Variants in SLC9A7 observed in about 807,000 individuals in gnomAD.
SLC9A7 encodes the protein solute carrier family 9 member A7, also known as sodium/hydrogen exchanger 7.
A neutral mutation model predicts 52.6 loss-of-function variants in SLC9A7; 19 were observed. The observed-to-expected ratio is 0.36, with a 90% CI of 0.25 to 0.53. The LOEUF (loss-of-function observed/expected upper bound fraction) is 0.53, where lower values mean the gene tolerates loss of function less well. SLC9A7 is among the 20% of genes least tolerant of loss of function. The pLI is 0.91. For synonymous variants in SLC9A7, 226 were observed against 252.1 expected (o/e 0.90, Z 0.98); for missense variants, 455 against 597.9 (o/e 0.76, Z 2.49).
intron 1 of SLC9A7, among the ~76,000 whole-genome samples, chrX:46,733,553 T>C (rs773980221): frequency 8.0e-5 from 9 of 111,917 alleles, no homozygotes; most frequent in African/African-American, 1.6e-4. Flanking sequence ...CAATGCTGTA[T>C]TGTTAGGGTT....
chrX:46,607,080 T>G lies in SLC9A7; in HGVS notation c.2053A>C (p.Ser685Arg). ...GSSSSHTAST[S>R]LEGSRRTKSS... ...TTCGTTCTCCGGCTGCCCTCCAGAC[T>G]CGTGGAGGCGGTGTGCGAACTTGAG... Residue 685 changes from serine to arginine, a missense_variant, in exon 17 of 17, where the codon AGT (serine) becomes CGT (arginine). Physicochemically the swap from Ser to Arg is moderately radical, Grantham distance 110 (BLOSUM62 -1). Transcript: ENST00000616978. The G allele has an allele frequency of 8.3e-7, 1 of 1,211,460 alleles. No homozygotes were observed. Among genetic ancestry groups the G allele is most frequent in the Non-Finnish European group, 1.1e-6 (1 of 895,392 alleles).
intron 12 of SLC9A7, among the ~76,000 whole-genome samples, chrX:46,636,485 G>A (rs1324952373): frequency 9.1e-6 from 1 of 109,495 alleles, no homozygotes; most frequent in East Asian, 2.8e-4. Flanking sequence ...CCCTTCCTCT[G>A]GTTGTGGCCA....
Position 46,662,086 on chromosome X carries a change from A to G in SLC9A7, c.971T>C (p.Val324Ala), listed in dbSNP as rs1457549692. 6.6e-6 allele frequency: 8 copies of G among 1,206,331 alleles called. No individual in the cohort carries two copies. Among genetic ancestry groups the G allele is most frequent in the Non-Finnish European group, 9.0e-6 (8 of 892,742 alleles). ...ACTAAATATACCTAGAAAAATGCCA[A>G]CTGACTTAAAAAAGGCAGCAGCATC... ...AFDAAAFFKSVGIFLGIFSGS... is the reference protein window; with the variant it reads ...AFDAAAFFKSAGIFLGIFSGS... The change falls in exon 7 of 17, where the codon GTT (valine) becomes GCT (alanine). Residue 324 changes from valine to alanine, a missense_variant. By Grantham distance (64) the Val-to-Ala change is moderately conservative. Coordinates refer to ENST00000616978, the MANE Select transcript of SLC9A7 (RefSeq NM_001257291.2).
At chrX:46,692,136 T>C (rs751445298) in intron 1 of SLC9A7, among the ~76,000 whole-genome samples, 5 of 111,444 alleles carry the variant, frequency 4.5e-5, no homozygotes, top group Admixed American at 3.8e-4. Context: ...ACAGGTTTCA[T>C]GGAGCTAGCA....
intron 1 of SLC9A7, among the ~76,000 whole-genome samples, chrX:46,708,588 T>C (rs1310871306): frequency 9.0e-6 from 1 of 111,563 alleles, no homozygotes; most frequent in Non-Finnish European, 1.9e-5. Flanking sequence ...GGAGTGTTGT[T>C]TGGAGAATAT....
chrX:46,703,867 A>T (rs1333515118), intron 1 of SLC9A7, among the ~76,000 whole-genome samples: 1 of 112,079 alleles, frequency 8.9e-6, no homozygotes, highest in Non-Finnish European at 1.9e-5. Context: ...AATTCCGTGG[A>T]AGGGCATTTA....
At chrX:46,750,171 T>C (rs1441122340) in intron 1 of SLC9A7, among the ~76,000 whole-genome samples, 2 of 111,240 alleles carry the variant, frequency 1.8e-5, no homozygotes, top group Non-Finnish European at 3.8e-5. Context: ...GAAGTGGTAA[T>C]GGGCGGGATT....
At chrX:46,616,934 C>T (rs1245630577) in intron 15 of SLC9A7, among the ~76,000 whole-genome samples, 1 of 111,572 alleles carries the variant, frequency 9.0e-6, no homozygotes, top group African/African-American at 3.3e-5. Flanking sequence ...AACCTACTCA[C>T]ACTTGGTGGG....
At chrX:46,613,075 G>A (rs1003805500) in intron 16 of SLC9A7, among the ~76,000 whole-genome samples, 8 of 110,113 alleles carry the variant, frequency 7.3e-5, no homozygotes, top group Non-Finnish European at 1.5e-4. Context: ...ACACCACAGC[G>A]GCCGATGTGG....
intron 1 of SLC9A7, among the ~76,000 whole-genome samples, chrX:46,717,878 A>G (rs972154171): frequency 2.7e-5 from 3 of 111,494 alleles, no homozygotes; most frequent in Non-Finnish European, 5.6e-5. Flanking sequence ...GCCCAAGGTA[A>G]TTCATAGATT....
intron 1 of SLC9A7, among the ~76,000 whole-genome samples, chrX:46,710,808 A>G (rs1419730985): frequency 8.9e-6 from 1 of 111,934 alleles, no homozygotes; most frequent in African/African-American, 3.2e-5. Flanking sequence ...ACCATAACCA[A>G]TTGCCTCTGT....
In SLC9A7 at chrX:46,606,784, C is replaced by T. The variant is rs188451021; in HGVS notation, c.*168G>A. ...GAATTTAGAGACACTTTTGCCTCAC[C>T]ATCTGCATTGTGAGTTAAATTTTAA... On this transcript the variant is annotated 3_prime_UTR_variant, in exon 17 of 17. Coordinates refer to ENST00000616978, the MANE Select transcript of SLC9A7 (RefSeq NM_001257291.2). The T allele has an allele frequency of 2.3e-3, 2,498 of 1,098,708 alleles. 1 individual carries two copies. Among genetic ancestry groups the T allele is most frequent in the Non-Finnish European group, 2.6e-3 (2,151 of 842,113 alleles). The allele number at this position is 1,098,708 out of a possible 1,213,427, so 90.5% of individuals were successfully genotyped here.
chrX:46,657,963 T>C (rs1242555289), intron 7 of SLC9A7, among the ~76,000 whole-genome samples: 1 of 110,131 alleles, frequency 9.1e-6, no homozygotes, highest in African/African-American at 3.3e-5. Context: ...ATTGACCACA[T>C]ACTTGGAAGT....
chrX:46,675,069 GT>G lies in SLC9A7; in HGVS notation c.604-2443del, dbSNP rs1355156686. Among the ~76,000 whole-genome samples, 31 of 45,925 alleles carry G rather than the reference GT, an allele frequency of 6.8e-4. No individual in the cohort carries two copies. The African/African-American group carries it at 0.014, about 21-fold the overall frequency. The allele number at this position is 45,925 out of a possible 115,157, so 39.9% of individuals were successfully genotyped here. A position where few individuals can be genotyped will look rare whatever the true frequency, so the allele number is the denominator to read the frequency against. On this transcript the variant is annotated intron_variant, in intron 3 of 16. Transcript: ENST00000616978. ...AAAGAGAGAGAGAGTGAATGTGTGT[GT>G]GTGTGTGTGTGTGTGTGTGTGTGTG... is the stretch of plus-strand genomic sequence containing the variant.
chrX:46,635,973 CATTT>C (rs955952181), intron 12 of SLC9A7, among the ~76,000 whole-genome samples: 3 of 111,562 alleles, frequency 2.7e-5, no homozygotes, highest in African/African-American at 9.8e-5. Flanking sequence ...TTCAGAAATT[CATTT>C]GTTTATAAAG....
chrX:46,650,739 T>C (rs1943566690), intron 10 of SLC9A7, among the ~76,000 whole-genome samples: 2 of 111,871 alleles, frequency 1.8e-5, no homozygotes, highest in South Asian at 3.7e-4. Context: ...ACTGACATGG[T>C]TGCTGACTTT....
At chrX:46,640,898 G>A in intron 12 of SLC9A7, among the ~76,000 whole-genome samples, 1 of 112,068 alleles carries the variant, frequency 8.9e-6, no homozygotes, top group South Asian at 3.7e-4. Flanking sequence ...ATGCTGGGGG[G>A]GATGCTGAGA....
At chrX:46,745,263 A>AT (rs1194609003) in intron 1 of SLC9A7, among the ~76,000 whole-genome samples, 2 of 111,812 alleles carry the variant, frequency 1.8e-5, no homozygotes, top group Admixed American at 9.5e-5. Flanking sequence ...CTTGTTTGCA[A>AT]TTTTTTGTGT....
intron 11 of SLC9A7, among the ~76,000 whole-genome samples, chrX:46,644,047 A>G (rs751823978): frequency 4.4e-5 from 5 of 112,620 alleles, no homozygotes; most frequent in African/African-American, 1.3e-4. Context: ...TACAGGTCTA[A>G]TAATGAAAAG....
Sources: gnomAD v4.1 joint callset for allele counts (sites outside exome capture counted in the v4.1 genomes callset) on GRCh38, gnomAD v4.1.1 for gene constraint, MANE v1.5 for transcripts, NCBI Gene and HGNC (gene_info 2026-07-23, HGNC 2026-07-21) for gene names.